EPM2A: variants seen among roughly 807,000 people sequenced by gnomAD.
EPM2A encodes the protein laforin.
Under a neutral mutation model 26.5 loss-of-function variants are expected in EPM2A, and 21 were observed. The ratio of observed to expected loss-of-function variants is 0.79; its 90% confidence interval spans 0.56 to 1.14. EPM2A has a LOEUF of 1.14. Among genes scored for constraint, EPM2A ranks in the 50% most tolerant of loss-of-function variants. EPM2A has a pLI of 0.00. For missense variants in EPM2A, 458 were observed against 440.8 expected, an observed-to-expected ratio of 1.04 and a Z score of -0.35; for synonymous variants, 217 against 177.6, an observed-to-expected ratio of 1.22 and a Z score of -1.76.
chr6:145,431,916 T>TC (rs1778926295), intron 4 of EPM2A, among the ~76,000 whole-genome samples: 1 of 152,220 alleles, frequency 6.6e-6, no homozygotes, highest in Admixed American at 6.5e-5. Flanking sequence ...TATGTAATAT[T>TC]CTAAATTCTT....
chr6:145,603,735 A>G (rs536382635), intron 2 of EPM2A, among the ~76,000 whole-genome samples: 1 of 152,326 alleles, frequency 6.6e-6, no homozygotes, highest in Non-Finnish European at 1.5e-5. Flanking sequence ...GAAGGCCAAT[A>G]TTATTTCTGA....
intron 2 of EPM2A, among the ~76,000 whole-genome samples, chr6:145,540,703 CG>C (rs1419863727): frequency 6.6e-6 from 1 of 151,920 alleles, no homozygotes; most frequent in Non-Finnish European, 1.5e-5. Flanking sequence ...CTAGTAAAGA[CG>C]CATTTCAGAA....
chr6:145,429,655 A>T (rs1582748573), intron 4 of EPM2A, among the ~76,000 whole-genome samples: 1 of 152,204 alleles, frequency 6.6e-6, no homozygotes, highest in Non-Finnish European at 1.5e-5. Context: ...TTAATTTTTT[A>T]AAATGTAACA....
chr6:145,474,325 G>A (rs1779514949), intron 4 of EPM2A, among the ~76,000 whole-genome samples: 1 of 152,034 alleles, frequency 6.6e-6, no homozygotes, highest in South Asian at 2.1e-4. Context: ...AGCCAGGCAT[G>A]GTGGTGGGTG....
rs149274166 is a variant in EPM2A, at chr6:145,386,346, A to G, written c.556-2249T>C. Among the ~76,000 whole-genome samples the G allele has an allele frequency of 2.1e-3, 322 of 152,236 alleles. 3 individuals carry two copies. Among genetic ancestry groups the G allele is most frequent in the African/African-American group, 7.2e-3 (298 of 41,562 alleles). ...TCTGTGCTATTTTGTGAGAAAAACT[A>G]TATTTAAAACGAGGGAAAAAAAGCT... is the stretch of plus-strand genomic sequence containing the variant. On this transcript the variant is annotated intron_variant, in intron 4 of 4. Transcript: ENST00000638717.
At chr6:145,582,161 A>T (rs528203352) in intron 2 of EPM2A, among the ~76,000 whole-genome samples, 12 of 151,570 alleles carry the variant, frequency 7.9e-5, no homozygotes, top group East Asian at 1.9e-4. Context: ...TTAGATTCAA[A>T]TTTTTTTTTA....
intron 3 of EPM2A, chr6:145,629,745 C>T (rs1776105904): frequency 1.3e-5 from 2 of 152,238 alleles, no homozygotes; most frequent in Non-Finnish European, 2.9e-5. Context: ...AAGCTCCCTG[C>T]TGTGCCTGTC....
intron 2 of EPM2A, among the ~76,000 whole-genome samples, chr6:145,518,594 C>CAAAAA (rs1780160891): frequency 2.0e-5 from 1 of 49,940 alleles, no homozygotes; most frequent in African/African-American, 9.9e-5. Flanking sequence ...GTGAAATGCA[C>CAAAAA]CAAAAAAAAA....
intron 4 of EPM2A, among the ~76,000 whole-genome samples, chr6:145,468,810 T>C (rs969961229): frequency 3.9e-5 from 6 of 152,056 alleles, no homozygotes; most frequent in Non-Finnish European, 7.4e-5. Flanking sequence ...TTAAAAAAGC[T>C]TCTGCACTGA....
intron 2 of EPM2A, among the ~76,000 whole-genome samples, chr6:145,548,027 T>C (rs1780608483): frequency 6.6e-6 from 1 of 152,078 alleles, no homozygotes; most frequent in Non-Finnish European, 1.5e-5. Context: ...CTCAATTGTG[T>C]CCCCTCAGGC....
At chr6:145,644,599 A>C (rs1777324181) in intron 2 of EPM2A, among the ~76,000 whole-genome samples, 1 of 152,182 alleles carries the variant, frequency 6.6e-6, no homozygotes. Flanking sequence ...AGGTTCTAGA[A>C]AGACAAAGAA....
chr6:145,728,199 AG>A (rs1289972921), intron 1 of EPM2A, among the ~76,000 whole-genome samples: 5 of 152,230 alleles, frequency 3.3e-5, no homozygotes, highest in African/African-American at 1.2e-4. Context: ...TAGTAATGCA[AG>A]AACTGACTAA....
intron 4 of EPM2A, among the ~76,000 whole-genome samples, chr6:145,442,924 C>T (rs968978576): frequency 6.6e-6 from 1 of 151,750 alleles, no homozygotes; most frequent in Non-Finnish European, 1.5e-5. Flanking sequence ...GCAGTGGCAC[C>T]ATCTCTGCTC....
intron 4 of EPM2A, among the ~76,000 whole-genome samples, chr6:145,428,557 T>C (rs1302324886): frequency 6.6e-6 from 1 of 152,246 alleles, no homozygotes; most frequent in Non-Finnish European, 1.5e-5. Context: ...TAGAAAAGGA[T>C]ACAATTATCC....
chr6:145,642,217 T>C (rs1209341395), intron 2 of EPM2A, among the ~76,000 whole-genome samples: 1 of 152,142 alleles, frequency 6.6e-6, no homozygotes, highest in Non-Finnish European at 1.5e-5. Flanking sequence ...GCCTTGAAAA[T>C]AGACTATTGG....
chr6:145,385,017 C>A lies in EPM2A; in HGVS notation c.556-920G>T, dbSNP rs1424288029. Among the ~76,000 whole-genome samples, 6 of 147,394 alleles carry A rather than the reference C, an allele frequency of 4.1e-5. 1 individual carries two copies. Among genetic ancestry groups the A allele is most frequent in the African/African-American group, 1.5e-4 (6 of 39,740 alleles). On this transcript the variant is annotated intron_variant, in intron 4 of 4. Coordinates refer to the EPM2A transcript ENST00000638717. ...CTACTGTCAATAATCTTCTAAATAT[C>A]AAGGAAATGTAAATAGCATCGCATG...
At chr6:145,577,205 G>A (rs931775685) in intron 2 of EPM2A, among the ~76,000 whole-genome samples, 1 of 151,798 alleles carries the variant, frequency 6.6e-6, no homozygotes, top group African/African-American at 2.4e-5. Flanking sequence ...CATGTAAATG[G>A]ACTAAATTCT....
chr6:145,481,415 A>G (rs1051680769), intron 4 of EPM2A, among the ~76,000 whole-genome samples: 4 of 152,126 alleles, frequency 2.6e-5, no homozygotes, highest in African/African-American at 4.8e-5. Context: ...ATATCACACT[A>G]TTTCAAGGAT....
chr6:145,498,757 G>T (rs970248295), downstream of EPM2A, among the ~76,000 whole-genome samples: 9 of 152,020 alleles, frequency 5.9e-5, no homozygotes, highest in African/African-American at 2.2e-4. Flanking sequence ...TGTATTTTCT[G>T]CCCCTTTTGT....
Sources: gnomAD v4.1 joint callset for allele counts (sites outside exome capture counted in the v4.1 genomes callset) on GRCh38, gnomAD v4.1.1 for gene constraint, MANE v1.5 for transcripts, NCBI Gene and HGNC (gene_info 2026-07-23, HGNC 2026-07-21) for gene names.